TMEM47: variants seen among roughly 807,000 people sequenced by gnomAD.
TMEM47 encodes the protein brain cell membrane protein 1.
TMEM47 carries 3 observed loss-of-function variants against 12.4 expected under a neutral mutation model. The ratio of observed to expected loss-of-function variants is 0.24; its 90% CI spans 0.11 to 0.63. The LOEUF is 0.63. Among genes scored for constraint, TMEM47 ranks in the 20% least tolerant of loss-of-function variants. The pLI is 0.86. For missense variants in TMEM47, 89 were observed against 143.8 expected, an observed-to-expected ratio of 0.62 and a Z score of 1.95; for synonymous variants, 62 against 63.3, an observed-to-expected ratio of 0.98 and a Z score of 0.10.
intron 1 of TMEM47, among the ~76,000 whole-genome samples, chrX:34,640,019 T>C (rs1303091193): frequency 1.8e-5 from 2 of 112,071 alleles, no homozygotes; most frequent in Non-Finnish European, 3.8e-5. Context: ...TTGCTATTTC[T>C]TGGAAAGCCT....
Position 34,657,097 on chromosome X carries a change from C to G in TMEM47, c.-68G>C. ...CCAGGCGGGTCCGGAGAGCCGGGAG[C>G]CGGACCTCCCGAAGGGAGAAGCCGC... On this transcript the variant is annotated 5_prime_UTR_variant, in exon 1 of 3. Transcript: ENST00000275954. 2 of 1,076,713 alleles carry G rather than the reference C, an allele frequency of 1.9e-6. No homozygotes were observed. Among genetic ancestry groups the G allele is most frequent in the Non-Finnish European group, 1.2e-6 (1 of 833,707 alleles). 88.7% of individuals were successfully genotyped at this position (1,076,713 alleles called of 1,213,427 possible).
rs773491398 is a variant in TMEM47 at position 34,630,368 on chromosome X, A to G, written c.491T>C (p.Phe164Ser). The change falls in exon 3 of 3, where the codon TTT becomes TCT. Residue 164 changes from phenylalanine (F) to serine (S), a missense_variant. Transcript: ENST00000275954. ...GLAWGATIFS[F>S]GGAILYCLNP... The stretch of plus-strand genomic sequence containing the variant: ...CAGGCAATAAAGGATGGCACCCCCA[A>G]ACGAAAATATAGTTGCACCCCAGGC... 2 of 1,210,446 alleles carry G rather than the reference A, an allele frequency of 1.7e-6. No individual in the cohort carries two copies. Among genetic ancestry groups the G allele is most frequent in the Non-Finnish European group, 1.1e-6 (1 of 894,856 alleles).
intron 1 of TMEM47, among the ~76,000 whole-genome samples, chrX:34,652,167 T>G (rs928005711): frequency 8.9e-6 from 1 of 112,444 alleles, no homozygotes; most frequent in African/African-American, 3.2e-5. Context: ...AGAATTACAT[T>G]ACAATTTAGC....
intron 2 of TMEM47, 124 bp downstream of exon 2, chrX:34,639,123 A>G (rs777296121): frequency 4.8e-6 from 4 of 835,360 alleles, no homozygotes; most frequent in South Asian, 6.2e-5. Context: ...CCTTAAAAAT[A>G]TAGTAAATGC....
At chrX:34,641,232 A>G (rs1921812549) in intron 1 of TMEM47, among the ~76,000 whole-genome samples, 1 of 111,676 alleles carries the variant, frequency 9.0e-6, no homozygotes, top group Non-Finnish European at 1.9e-5. Flanking sequence ...AAATTTCTGA[A>G]TTAAAAAAAT....
At position 34,657,278 on chromosome X, in the gene TMEM47, C is replaced by A. The variant is rs964867530; in HGVS notation, c.-249G>T. 5.1e-5 allele frequency: 13 copies of A among 253,429 alleles called. No homozygotes were observed. The highest frequency in any genetic ancestry group is 3.5e-4 in the African/African-American group (12 of 34,312). The allele number at this position is 253,429 out of a possible 1,213,427, so 20.9% of individuals were successfully genotyped here. A position where few individuals can be genotyped will look rare whatever the true frequency, so the allele number is the denominator to read the frequency against. ...CGGACCTTCGCCGCCGGCCCCGCGC[C>A]GCGCTCTGCCAGCGCCCGCGCCCGC... is the stretch of plus-strand genomic sequence containing the variant. On this transcript the variant is annotated 5_prime_UTR_variant, in exon 1 of 3. Coordinates refer to ENST00000275954, the MANE Select transcript of TMEM47 (RefSeq NM_031442.4).
rs1921527477 is a variant in TMEM47, at chrX:34,627,404, G to A, written c.*2909C>T. Reference sequence around the variant, plus strand: ...CATTAAAGAGGACACAGAGGCATAGGTTAGAGTGCACTGCTCTGTACAAAA... The same window carrying A: ...CATTAAAGAGGACACAGAGGCATAGATTAGAGTGCACTGCTCTGTACAAAA... On this transcript the variant is annotated 3_prime_UTR_variant, in exon 3 of 3. Transcript: ENST00000275954. 8.9e-6 allele frequency: 1 copy of A among 112,182 alleles called. No homozygotes were observed. Among genetic ancestry groups the A allele is most frequent in the East Asian group, 2.8e-4 (1 of 3,568 alleles). 9.2% of individuals were successfully genotyped at this position (112,182 alleles called of 1,213,427 possible).
chrX:34,643,434 G>GCTAA (rs1921853266), intron 1 of TMEM47, among the ~76,000 whole-genome samples: 1 of 111,343 alleles, frequency 9.0e-6, no homozygotes, highest in Non-Finnish European at 1.9e-5. Context: ...ACAAATACCT[G>GCTAA]CTAACCTACA....
intron 2 of TMEM47, among the ~76,000 whole-genome samples, chrX:34,634,526 G>T (rs1034427481): frequency 8.9e-6 from 1 of 112,186 alleles, no homozygotes; most frequent in Non-Finnish European, 1.9e-5. Context: ...CATGGCCCTC[G>T]CCCTTTGATG....
intron 2 of TMEM47, 60 bp from the exon 3 acceptor site, chrX:34,630,551 A>T (rs1921597522): frequency 1.2e-5 from 12 of 1,023,073 alleles, no homozygotes; most frequent in Non-Finnish European, 3.9e-6. Flanking sequence ...AATAATATAA[A>T]TATGTAACTA....
intron 1 of TMEM47, among the ~76,000 whole-genome samples, chrX:34,652,423 G>A (rs1922033015): frequency 8.9e-6 from 1 of 112,088 alleles, no homozygotes; most frequent in African/African-American, 3.2e-5. Flanking sequence ...TTCTTGAAAT[G>A]TATTCCCGAC....
At chrX:34,652,039 A>T (rs1922026452) in intron 1 of TMEM47, among the ~76,000 whole-genome samples, 1 of 112,268 alleles carries the variant, frequency 8.9e-6, no homozygotes, top group Admixed American at 9.4e-5. Context: ...AATCTTTATG[A>T]TAAACCATTT....
chrX:34,644,523 A>G (rs7065207), intron 1 of TMEM47, among the ~76,000 whole-genome samples: 3,621 of 111,932 alleles, frequency 0.032, 144 homozygotes, highest in African/African-American at 0.11. Context: ...GCACAAAACC[A>G]GTTCCTAAAG....
chrX:34,642,348 T>C (rs1289791105), intron 1 of TMEM47, among the ~76,000 whole-genome samples: 2 of 112,763 alleles, frequency 1.8e-5, no homozygotes, highest in Non-Finnish European at 1.9e-5. Context: ...TGCAAAGTGA[T>C]GCTTAACCAA....
intron 2 of TMEM47, among the ~76,000 whole-genome samples, chrX:34,634,128 T>G (rs191265849): frequency 9.0e-6 from 1 of 111,671 alleles, no homozygotes. Context: ...ATTTCTATTT[T>G]ACTACCAATC....
intron 1 of TMEM47, among the ~76,000 whole-genome samples, chrX:34,654,888 G>A (rs1293077881): frequency 8.9e-6 from 1 of 111,851 alleles, no homozygotes; most frequent in Non-Finnish European, 1.9e-5. Context: ...CTTTCAGCAA[G>A]GGGGTAGAAT....
At chrX:34,654,004 A>T (rs1033361946) in intron 1 of TMEM47, among the ~76,000 whole-genome samples, 2 of 111,938 alleles carry the variant, frequency 1.8e-5, no homozygotes, top group African/African-American at 6.5e-5. Flanking sequence ...ATTACGGCTG[A>T]CTGACAACCG....
At chrX:34,641,343 C>T (rs1161220149) in intron 1 of TMEM47, among the ~76,000 whole-genome samples, 1 of 111,784 alleles carries the variant, frequency 8.9e-6, no homozygotes, top group Non-Finnish European at 1.9e-5. Context: ...ATTAAGAAAG[C>T]CTATGCTCCA....
chrX:34,648,124 A>G (rs1921947260), intron 1 of TMEM47, among the ~76,000 whole-genome samples: 2 of 112,303 alleles, frequency 1.8e-5, no homozygotes, highest in Non-Finnish European at 1.9e-5. Flanking sequence ...CATACTGCCC[A>G]AAGGAATTTA....
Sources: allele counts gnomAD v4.1 joint callset (sites outside exome capture counted in the v4.1 genomes callset), GRCh38; gene constraint gnomAD v4.1.1; transcripts MANE v1.5; gene names NCBI Gene and HGNC (gene_info 2026-07-23, HGNC 2026-07-21).